Variants in PTPRD observed in about 807,000 individuals in gnomAD.
The protein encoded by PTPRD is protein tyrosine phosphatase receptor type D.
PTPRD carries 34 observed loss-of-function variants against 214.5 expected under a neutral mutation model. The observed-to-expected ratio is 0.16, with a 90% CI of 0.12 to 0.21. The LOEUF is 0.21. Among genes scored for constraint, PTPRD ranks in the 10% least tolerant of loss-of-function variants. PTPRD has a pLI of 1.00. For synonymous variants in PTPRD, 1,128 were observed against 845.7 expected, an observed-to-expected ratio of 1.33 and a Z score of -5.79; for missense variants, 2,545 against 2,398.7, an observed-to-expected ratio of 1.06 and a Z score of -1.27.
chr9:10,487,643 G>A (rs1185284627), intron 2 of PTPRD, among the ~76,000 whole-genome samples: 2 of 151,762 alleles, frequency 1.3e-5, no homozygotes, highest in Non-Finnish European at 2.9e-5. Flanking sequence ...ATAAGTGGGA[G>A]TTGAACAATG....
At chr9:8,594,654 C>T (rs1188128839) in intron 14 of PTPRD, among the ~76,000 whole-genome samples, 1 of 152,046 alleles carries the variant, frequency 6.6e-6, no homozygotes, top group Non-Finnish European at 1.5e-5. Flanking sequence ...ATGTGTTTGA[C>T]TGTTCCTCCT....
intron 3 of PTPRD, among the ~76,000 whole-genome samples, chr9:10,214,831 C>G (rs939525216): frequency 9.2e-5 from 14 of 152,188 alleles, no homozygotes; most frequent in Admixed American, 7.2e-4. Flanking sequence ...GTCTTTTACT[C>G]TTGGGACAAG....
chr9:9,789,782 GC>G (rs2098953505), intron 5 of PTPRD, among the ~76,000 whole-genome samples: 1 of 40,828 alleles, frequency 2.4e-5, no homozygotes, highest in Non-Finnish European at 4.1e-5. Flanking sequence ...GGGCAACAGA[GC>G]CAAACTCTGT....
chr9:9,748,172 T>A (rs2761706), intron 6 of PTPRD, among the ~76,000 whole-genome samples: 2 of 151,984 alleles, frequency 1.3e-5, no homozygotes, highest in African/African-American at 4.8e-5. Context: ...TTTTCTGAAC[T>A]TGGTGCATAT....
At chr9:10,150,867 A>T (rs982780726) in intron 3 of PTPRD, among the ~76,000 whole-genome samples, 7 of 152,168 alleles carry the variant, frequency 4.6e-5, no homozygotes, top group African/African-American at 1.7e-4. Context: ...TTGGAGTTCA[A>T]TAAAAATTTT....
chr9:9,102,531 C>A (rs983311970), intron 10 of PTPRD, among the ~76,000 whole-genome samples: 4 of 152,168 alleles, frequency 2.6e-5, no homozygotes, highest in Non-Finnish European at 5.9e-5. Flanking sequence ...GCTCCAAGAG[C>A]CTAATCACCA....
At chr9:8,629,386 A>G (rs1440023390) in intron 14 of PTPRD, among the ~76,000 whole-genome samples, 1 of 151,866 alleles carries the variant, frequency 6.6e-6, no homozygotes, top group Non-Finnish European at 1.5e-5. Flanking sequence ...TTATCACTGC[A>G]TAAATTTGTA....
chr9:9,905,342 A>T (rs1219592423), intron 5 of PTPRD, among the ~76,000 whole-genome samples: 1 of 151,962 alleles, frequency 6.6e-6, no homozygotes, highest in Non-Finnish European at 1.5e-5. Context: ...AATTAGCTCA[A>T]TTGTTGTTAT....
chr9:8,947,378 T>G (rs2099072080), intron 11 of PTPRD, among the ~76,000 whole-genome samples: 1 of 150,482 alleles, frequency 6.6e-6, no homozygotes, highest in Non-Finnish European at 1.5e-5. Context: ...CAGGAGAATC[T>G]TCTGAACCCG....
chr9:10,189,571 T>G (rs979358635), intron 3 of PTPRD, among the ~76,000 whole-genome samples: 3 of 152,102 alleles, frequency 2.0e-5, no homozygotes, highest in African/African-American at 7.2e-5. Flanking sequence ...TAAAAGGAAG[T>G]GTGCATGCGA....
chr9:10,093,269 T>TA (rs1446523543), intron 3 of PTPRD, among the ~76,000 whole-genome samples: 1 of 150,796 alleles, frequency 6.6e-6, no homozygotes, highest in East Asian at 2.0e-4. Flanking sequence ...ATAATCAAAT[T>TA]AAAAAATGAG....
intron 3 of PTPRD, among the ~76,000 whole-genome samples, chr9:10,153,665 T>C (rs2099076020): frequency 6.6e-6 from 1 of 152,120 alleles, no homozygotes; most frequent in African/African-American, 2.4e-5. Flanking sequence ...TATTCATTAG[T>C]TATTTTTCCT....
intron 12 of PTPRD, among the ~76,000 whole-genome samples, chr9:8,714,506 C>T (rs1374109484): frequency 1.3e-5 from 2 of 152,256 alleles, no homozygotes; most frequent in African/African-American, 4.8e-5. Flanking sequence ...GCTTGGTGCG[C>T]AGTAGAATAC....
intron 12 of PTPRD, among the ~76,000 whole-genome samples, chr9:8,728,494 G>C (rs2098613021): frequency 6.6e-6 from 1 of 152,076 alleles, no homozygotes; most frequent in African/African-American, 2.4e-5. Flanking sequence ...CACCACACAT[G>C]GCAAAAACCA....
chr9:9,176,043 C>A lies in PTPRD; in HGVS notation c.-143+7261G>T, dbSNP rs528779620. Among the ~76,000 whole-genome samples, 44 of 152,234 alleles carry A rather than the reference C, an allele frequency of 2.9e-4. 3 individuals are homozygous for A. The South Asian group carries it at 8.7e-3, about 30-fold the overall frequency. ...TAACAAATGTGCAGCTACCAAGCAC[C>A]AAAATTTAATAATTCAGCAATCTCA... On this transcript the variant is annotated intron_variant, in intron 10 of 45. Coordinates refer to ENST00000381196, the MANE Select transcript of PTPRD (RefSeq NM_002839.4).
At chr9:10,281,384 T>C (rs2095102711) in intron 3 of PTPRD, among the ~76,000 whole-genome samples, 3 of 146,812 alleles carry the variant, frequency 2.0e-5, no homozygotes, top group South Asian at 4.1e-4. Context: ...TCACAGTTAA[T>C]GGATGAGATG....
intron 14 of PTPRD, among the ~76,000 whole-genome samples, chr9:8,535,394 C>T (rs1455898848): frequency 6.6e-6 from 1 of 151,902 alleles, no homozygotes; most frequent in Admixed American, 6.6e-5. Flanking sequence ...CCAATAAATA[C>T]CCTCTTTTCC....
chr9:9,441,078 C>A (rs2087510414), intron 8 of PTPRD, among the ~76,000 whole-genome samples: 1 of 152,124 alleles, frequency 6.6e-6, no homozygotes, highest in African/African-American at 2.4e-5. Context: ...ATTATCTCAA[C>A]CAATAATTTA....
intron 5 of PTPRD, among the ~76,000 whole-genome samples, chr9:9,850,137 A>G (rs12377148): frequency 0.064 from 9,732 of 152,162 alleles, 470 homozygotes; most frequent in African/African-American, 0.14. Flanking sequence ...CTTTAGACCA[A>G]AAAGTTACCA....
Sources: allele counts gnomAD v4.1 joint callset (sites outside exome capture counted in the v4.1 genomes callset), GRCh38; gene constraint gnomAD v4.1.1; transcripts MANE v1.5; gene names NCBI Gene and HGNC (gene_info 2026-07-23, HGNC 2026-07-21).